Variants in PEX5L observed in about 807,000 individuals in gnomAD.
PEX5L encodes PEX5-related protein.
PEX5L carries 30 observed loss-of-function variants against 84.0 expected under a neutral mutation model. The observed-to-expected ratio is 0.36, with a 90% CI of 0.27 to 0.48. The LOEUF (loss-of-function observed/expected upper bound fraction) is 0.48. Ranked by LOEUF, PEX5L falls within the 20% of genes least tolerant of loss-of-function variation. The pLI is 0.99. For synonymous variants in PEX5L, 270 were observed against 283.1 expected (o/e 0.95, Z 0.46); for missense variants, 533 against 754.6 (o/e 0.71, Z 3.44).
chr3:179,808,499 GT>G, intron 12 of PEX5L, 62 bp from the exon 13 acceptor site: 1 of 1,198,538 alleles, frequency 8.3e-7, no homozygotes, highest in Non-Finnish European at 1.1e-6. Flanking sequence ...ATGATTTACT[GT>G]TAAATCCCTT....
At chr3:179,882,355 C>T (rs567565200) in intron 4 of PEX5L, among the ~76,000 whole-genome samples, 8 of 152,346 alleles carry the variant, frequency 5.3e-5, no homozygotes, top group African/African-American at 1.9e-4. Flanking sequence ...AAACTTGGCT[C>T]AGTAAGGTTC....
chr3:179,935,792 C>G (rs1054923295), intron 2 of PEX5L, among the ~76,000 whole-genome samples: 2 of 152,194 alleles, frequency 1.3e-5, no homozygotes, highest in African/African-American at 4.8e-5. Flanking sequence ...CCTCCACCAT[C>G]ATGGGGAGCT....
intron 4 of PEX5L, chr3:179,881,166 C>T (rs947728102): frequency 6.6e-6 from 1 of 152,362 alleles, no homozygotes; most frequent in Non-Finnish European, 1.5e-5. Flanking sequence ...AATCTCCAAG[C>T]TTTTCCTCTA....
chr3:179,895,517 G>C (rs1578148309), intron 3 of PEX5L: 1 of 152,042 alleles, frequency 6.6e-6, no homozygotes, highest in African/African-American at 2.4e-5. Flanking sequence ...CTTGCATATT[G>C]TTTGCTTAAT....
intron 3 of PEX5L, among the ~76,000 whole-genome samples, chr3:179,890,066 AAC>A (rs1337524572): frequency 6.6e-6 from 1 of 152,182 alleles, no homozygotes; most frequent in African/African-American, 2.4e-5. Flanking sequence ...GTACATATGT[AAC>A]AGTTTCCAAA....
chr3:179,878,968 A>G (rs1267661126), intron 5 of PEX5L, among the ~76,000 whole-genome samples: 1 of 152,232 alleles, frequency 6.6e-6, no homozygotes, highest in Non-Finnish European at 1.5e-5. Flanking sequence ...ATGTTTGCTG[A>G]ACAAATGAAT....
rs558444916 is a variant in PEX5L at position 179,798,557 on chromosome 3, C to T, written c.*3271G>A. 7.2e-5 allele frequency: 11 copies of T among 152,244 alleles called. No individual in the cohort carries two copies. Among genetic ancestry groups the T allele is most frequent in the East Asian group, 3.9e-4 (2 of 5,178 alleles). The allele number at this position is 152,244 out of a possible 1,614,324, so 9.4% of individuals were successfully genotyped here. On this transcript the variant is annotated 3_prime_UTR_variant, in exon 15 of 15. Transcript: ENST00000467460. ...TCTTTATTTTCATCCAATCTACAGGCGAAGTCAGTCCCTGGAAGTCACCTG... is the reference window on the plus strand; with the variant it reads ...TCTTTATTTTCATCCAATCTACAGGTGAAGTCAGTCCCTGGAAGTCACCTG...
chr3:180,006,776 A>C (rs1373589397), intron 1 of PEX5L, among the ~76,000 whole-genome samples: 1 of 152,224 alleles, frequency 6.6e-6, no homozygotes, highest in African/African-American at 2.4e-5. Flanking sequence ...AGATCTTGTG[A>C]GACTTATTCA....
At chr3:179,968,822 A>T (rs1239320329) in intron 2 of PEX5L, among the ~76,000 whole-genome samples, 1 of 152,056 alleles carries the variant, frequency 6.6e-6, no homozygotes, top group African/African-American at 2.4e-5. Context: ...ACATATCCCA[A>T]ATAAATTTTG....
intron 12 of PEX5L, among the ~76,000 whole-genome samples, chr3:179,808,931 G>A (rs746998515): frequency 4.0e-5 from 6 of 151,684 alleles, no homozygotes; most frequent in Non-Finnish European, 8.8e-5. Context: ...AAAATTAGCC[G>A]GGCGTGTTGG....
At chr3:179,960,419 C>T (rs563330623) in intron 2 of PEX5L, among the ~76,000 whole-genome samples, 3 of 152,250 alleles carry the variant, frequency 2.0e-5, no homozygotes, top group South Asian at 2.1e-4. Flanking sequence ...TGACAATGGA[C>T]AGCCTGCAAG....
chr3:180,025,041 G>C (rs1313804996), intron 1 of PEX5L, among the ~76,000 whole-genome samples: 1 of 152,104 alleles, frequency 6.6e-6, no homozygotes, highest in African/African-American at 2.4e-5. Context: ...GATTTAAAGA[G>C]GTTGAACCCA....
At chr3:179,959,923 T>C (rs1781592766) in intron 2 of PEX5L, among the ~76,000 whole-genome samples, 1 of 152,238 alleles carries the variant, frequency 6.6e-6, no homozygotes, top group South Asian at 2.1e-4. Flanking sequence ...TCCAAAACTA[T>C]GCCTAGAATA....
chr3:179,913,924 ATC>A (rs1341430174), intron 2 of PEX5L, among the ~76,000 whole-genome samples: 1 of 152,130 alleles, frequency 6.6e-6, no homozygotes, highest in Non-Finnish European at 1.5e-5. Context: ...TAACATTTTT[ATC>A]TCTTTCTCCT....
chr3:179,940,264 A>G (rs1488005546), intron 2 of PEX5L, among the ~76,000 whole-genome samples: 2 of 151,868 alleles, frequency 1.3e-5, no homozygotes, highest in African/African-American at 4.8e-5. Context: ...GAGGAGAGGA[A>G]TGGGTAAAGA....
chr3:179,874,968 T>C (rs1751841585), intron 6 of PEX5L, among the ~76,000 whole-genome samples: 1 of 151,834 alleles, frequency 6.6e-6, no homozygotes, highest in Non-Finnish European at 1.5e-5. Context: ...ATTATTTGAT[T>C]ATCTGATAGT....
At chr3:179,981,489 T>C (rs898058363) in intron 1 of PEX5L, among the ~76,000 whole-genome samples, 6 of 152,154 alleles carry the variant, frequency 3.9e-5, no homozygotes, top group Non-Finnish European at 7.4e-5. Context: ...AATTTTATAA[T>C]GACATGCTTC....
chr3:179,843,202 C>A (rs939236605), intron 8 of PEX5L, among the ~76,000 whole-genome samples: 3 of 152,162 alleles, frequency 2.0e-5, no homozygotes, highest in African/African-American at 7.2e-5. Flanking sequence ...CAGATCATCA[C>A]GGCAGGACAG....
At chr3:179,977,513 C>T (rs957342266) in intron 1 of PEX5L, among the ~76,000 whole-genome samples, 1 of 152,030 alleles carries the variant, frequency 6.6e-6, no homozygotes, top group African/African-American at 2.4e-5. Flanking sequence ...TAAAAATATC[C>T]ACAGTGTCAA....
Sources: allele counts gnomAD v4.1 joint callset (sites outside exome capture counted in the v4.1 genomes callset), GRCh38; gene constraint gnomAD v4.1.1; transcripts MANE v1.5; gene names NCBI Gene and HGNC (gene_info 2026-07-23, HGNC 2026-07-21).